FGF13: variants seen among roughly 807,000 people sequenced by gnomAD.
The protein encoded by FGF13 is fibroblast growth factor homologous factor 2.
Under a neutral mutation model 19.5 loss-of-function variants are expected in FGF13, and 2 were observed. The ratio of observed to expected loss-of-function variants is 0.10; its 90% CI spans 0.04 to 0.32. The LOEUF (loss-of-function observed/expected upper bound fraction) is 0.32. FGF13 is among the 10% of genes least tolerant of loss of function. FGF13 has a pLI of 1.00. For missense variants in FGF13, 113 were observed against 192.7 expected, an observed-to-expected ratio of 0.59 and a Z score of 2.45; for synonymous variants, 72 against 76.9, an observed-to-expected ratio of 0.94 and a Z score of 0.33.
At chrX:138,958,685 G>T (rs940983190) in intron 1 of FGF13, among the ~76,000 whole-genome samples, 1 of 111,582 alleles carries the variant, frequency 9.0e-6, no homozygotes, top group Admixed American at 9.5e-5. Flanking sequence ...ATTAATTAGT[G>T]CCTCAATTTC....
intron 1 of FGF13, among the ~76,000 whole-genome samples, chrX:139,001,072 C>A (rs768607771): frequency 3.2e-4 from 36 of 111,739 alleles, no homozygotes; most frequent in Non-Finnish European, 6.6e-4. Flanking sequence ...CTGATAAAAA[C>A]AAGCAATGGG....
In FGF13 at chrX:138,626,764, T is replaced by C. The variant is rs1474122323; in HGVS notation, c.*6086A>G. 9.0e-6 allele frequency: 1 copy of C among 111,600 alleles called. No homozygotes were observed. Among genetic ancestry groups the C allele is most frequent in the African/African-American group, 3.3e-5 (1 of 30,689 alleles). The allele number at this position is 111,600 out of a possible 1,213,427, so 9.2% of individuals were successfully genotyped here. A position where few individuals can be genotyped will look rare whatever the true frequency, so the allele number is the denominator to read the frequency against. ...CACGCACACAGAAACAATAGGGTAG[T>C]GTTTGTTCTGTGTATATCTGGCACT... On this transcript the variant is annotated 3_prime_UTR_variant, in exon 5 of 5. Transcript: ENST00000315930.
At chrX:139,087,083 A>G (rs1460074486) in intron 1 of FGF13, among the ~76,000 whole-genome samples, 3 of 112,275 alleles carry the variant, frequency 2.7e-5, no homozygotes, top group Non-Finnish European at 5.6e-5. Flanking sequence ...GATCACCTGA[A>G]GTCGGGAGTT....
chrX:138,825,265 G>C (rs1602919433), intron 3 of FGF13, among the ~76,000 whole-genome samples: 1 of 111,554 alleles, frequency 9.0e-6, no homozygotes, highest in Admixed American at 9.6e-5. Context: ...TACTAGCCAG[G>C]TGACCTTGGG....
chrX:138,778,700 ACT>A (rs1310768028), intron 3 of FGF13, among the ~76,000 whole-genome samples: 7 of 111,263 alleles, frequency 6.3e-5, no homozygotes, highest in Non-Finnish European at 1.1e-4. Flanking sequence ...CTAGCACAAC[ACT>A]CTGAGATCAA....
chrX:138,743,969 T>TTCC (rs1264457174), upstream of FGF13, among the ~76,000 whole-genome samples: 2 of 110,721 alleles, frequency 1.8e-5, no homozygotes, highest in African/African-American at 6.6e-5. Flanking sequence ...AGATTTTGTG[T>TTCC]TCCTCCTCCT....
chrX:138,695,652 G>A (rs1417693543), intron 3 of FGF13, among the ~76,000 whole-genome samples: 1 of 111,701 alleles, frequency 9.0e-6, no homozygotes, highest in Non-Finnish European at 1.9e-5. Flanking sequence ...GATATATGGA[G>A]TCATTTGTAC....
intron 1 of FGF13, among the ~76,000 whole-genome samples, chrX:139,063,607 A>C (rs2092343228): frequency 9.0e-6 from 1 of 111,272 alleles, no homozygotes; most frequent in Non-Finnish European, 1.9e-5. Flanking sequence ...AAATTTATAG[A>C]GTGTTTTATG....
intron 1 of FGF13, among the ~76,000 whole-genome samples, chrX:138,947,729 A>G (rs771370819): frequency 4.5e-5 from 5 of 111,744 alleles, no homozygotes; most frequent in Non-Finnish European, 9.4e-5. Flanking sequence ...TCACAAAACT[A>G]CGGGGCTGAA....
chrX:138,862,541 G>A (rs2091294376), intron 2 of FGF13, among the ~76,000 whole-genome samples: 1 of 111,236 alleles, frequency 9.0e-6, no homozygotes, highest in South Asian at 3.8e-4. Context: ...AAAAAAAATG[G>A]GGTAATTAGA....
chrX:139,095,069 C>G (rs1013439865), intron 1 of FGF13, among the ~76,000 whole-genome samples: 8 of 112,432 alleles, frequency 7.1e-5, no homozygotes, highest in African/African-American at 2.6e-4. Flanking sequence ...TGAGGATAAC[C>G]TTTGTTCCCA....
intron 3 of FGF13, among the ~76,000 whole-genome samples, chrX:138,773,969 C>T (rs2090567673): frequency 9.0e-6 from 1 of 111,275 alleles, no homozygotes; most frequent in Non-Finnish European, 1.9e-5. Context: ...CTTATCTTCT[C>T]CATAACTTGA....
chrX:139,129,464 A>G (rs779013741), intron 1 of FGF13, among the ~76,000 whole-genome samples: 1 of 110,798 alleles, frequency 9.0e-6, no homozygotes, highest in Non-Finnish European at 1.9e-5. Flanking sequence ...TGTAGAACAA[A>G]TAAACTACTG....
chrX:138,981,719 C>A (rs1476096535), intron 1 of FGF13, among the ~76,000 whole-genome samples: 1 of 110,712 alleles, frequency 9.0e-6, no homozygotes, highest in Non-Finnish European at 1.9e-5. Flanking sequence ...TACCCACCCA[C>A]AAGCAAAAGA....
intron 1 of FGF13, among the ~76,000 whole-genome samples, chrX:138,981,983 G>C (rs2091965660): frequency 9.0e-6 from 1 of 111,557 alleles, no homozygotes; most frequent in Non-Finnish European, 1.9e-5. Context: ...CAGAAAGGGT[G>C]TGTTAAATAC....
At chrX:138,787,637 A>C (rs964520933) in intron 3 of FGF13, among the ~76,000 whole-genome samples, 9 of 111,129 alleles carry the variant, frequency 8.1e-5, no homozygotes, top group Non-Finnish European at 1.5e-4. Context: ...GGTTTGCTGC[A>C]CCTATCAACC....
chrX:138,831,970 G>T (rs1287563704), intron 3 of FGF13, among the ~76,000 whole-genome samples: 1 of 111,788 alleles, frequency 8.9e-6, no homozygotes, highest in African/African-American at 3.3e-5. Context: ...GTTTGCTAAG[G>T]ATAATGGCCT....
chrX:139,139,210 G>T (rs958761539), intron 1 of FGF13, among the ~76,000 whole-genome samples: 6 of 111,502 alleles, frequency 5.4e-5, no homozygotes, highest in Admixed American at 2.9e-4. Flanking sequence ...TGGGAATAGA[G>T]GCACGAGCCA....
chrX:138,945,575 G>C (rs778927355), intron 1 of FGF13, among the ~76,000 whole-genome samples: 2 of 111,884 alleles, frequency 1.8e-5, no homozygotes, highest in South Asian at 7.6e-4. Context: ...CCAACAGAAC[G>C]AATTAACCCT....
Sources: gnomAD v4.1 joint callset for allele counts (sites outside exome capture counted in the v4.1 genomes callset) on GRCh38, gnomAD v4.1.1 for gene constraint, MANE v1.5 for transcripts, NCBI Gene and HGNC (gene_info 2026-07-23, HGNC 2026-07-21) for gene names.